ZC3H12B: variants seen among roughly 807,000 people sequenced by gnomAD.
ZC3H12B encodes zinc finger CCCH-type containing 12B, also known as probable ribonuclease ZC3H12B.
In ZC3H12B, 7 loss-of-function variants were observed where a neutral mutation model predicts 43.9. That is an observed-to-expected ratio of 0.16 (90% confidence interval 0.09 to 0.30). The LOEUF is 0.30. Ranked by LOEUF, ZC3H12B falls within the 10% of genes least tolerant of loss-of-function variation. The pLI is 1.00. For synonymous variants in ZC3H12B, 222 were observed against 241.7 expected (o/e 0.92, Z 0.76); for missense variants, 475 against 670.2 (o/e 0.71, Z 3.22).
rs185428223 is a variant in ZC3H12B, at chrX:65,395,934, G to A, written n.296-2659G>A. ...GTATTGGGAGGGTATATGTGTCCAG[G>A]AATTTATTGATTTCTTCTAGGTTTC... On this transcript the variant is annotated intron_variant and non_coding_transcript_variant, in intron 2 of 5. Coordinates refer to the ZC3H12B transcript ENST00000617377. Among the ~76,000 whole-genome samples the A allele has an allele frequency of 2.7e-5, 3 of 111,449 alleles. No homozygotes were observed. In the Admixed American group the frequency reaches 2.9e-4, roughly 11 times the overall value.
chrX:65,147,903 G>A, the ZC3H12B span, among the ~76,000 whole-genome samples: 1 of 110,410 alleles, frequency 9.1e-6, no homozygotes, highest in Non-Finnish European at 1.9e-5. Context: ...TGGAGCCTGA[G>A]TTTCCTGGGG....
chrX:65,345,431 C>T, the ZC3H12B span, among the ~76,000 whole-genome samples: 1 of 111,645 alleles, frequency 9.0e-6, no homozygotes. Context: ...TTATTTTTAG[C>T]AAACTTACAC....
chrX:65,469,806 A>T (rs1382068188), intron 3 of ZC3H12B: 2 of 112,510 alleles, frequency 1.8e-5, no homozygotes, highest in Non-Finnish European at 3.7e-5. Flanking sequence ...CCCCGTCTCT[A>T]CTAAAAATAC....
intron 2 of ZC3H12B, among the ~76,000 whole-genome samples, chrX:65,389,413 A>G (rs2066579847): frequency 1.8e-5 from 2 of 112,400 alleles, no homozygotes; most frequent in South Asian, 3.7e-4. Flanking sequence ...GCGGGGCTCC[A>G]TGGGCGTAGG....
the ZC3H12B span, among the ~76,000 whole-genome samples, chrX:65,134,719 G>A: frequency 1.8e-5 from 2 of 111,384 alleles, no homozygotes; most frequent in South Asian, 3.8e-4. Context: ...CAAATGTCAC[G>A]TGCGTCCGTG....
intron 3 of ZC3H12B, among the ~76,000 whole-genome samples, chrX:65,460,242 A>G (rs1302491950): frequency 1.8e-5 from 2 of 111,926 alleles, no homozygotes; most frequent in Non-Finnish European, 3.8e-5. Flanking sequence ...TTCCATGCTC[A>G]TGGGTAGGAA....
chrX:65,376,294 T>C (rs1021350944), intron 2 of ZC3H12B, among the ~76,000 whole-genome samples: 1 of 112,105 alleles, frequency 8.9e-6, no homozygotes, highest in Non-Finnish European at 1.9e-5. Context: ...TTTTTGACTC[T>C]AGTCTTTGGT....
At chrX:65,507,751 C>G (rs1466130541) in exon 5 of ZC3H12B, 1 of 112,314 alleles carries the variant, frequency 8.9e-6, no homozygotes, top group Non-Finnish European at 1.9e-5. Flanking sequence ...GTAATATGCT[C>G]TCGCTAGCAT....
the ZC3H12B span, among the ~76,000 whole-genome samples, chrX:65,172,416 G>A: frequency 8.9e-6 from 1 of 112,032 alleles, no homozygotes; most frequent in Non-Finnish European, 1.9e-5. Context: ...TTGCTGAGGA[G>A]AAGTGCTTTA....
the ZC3H12B span, among the ~76,000 whole-genome samples, chrX:65,177,563 T>G: frequency 8.9e-6 from 1 of 112,333 alleles, no homozygotes; most frequent in East Asian, 2.8e-4. Context: ...CTTAAGCTGA[T>G]AAGCAACTAC....
At chrX:65,283,641 G>A in the ZC3H12B span, among the ~76,000 whole-genome samples, 175 of 111,643 alleles carry the variant, frequency 1.6e-3, 2 homozygotes, top group Non-Finnish European at 2.1e-3. Flanking sequence ...GGAGGCTGCC[G>A]GGAAGCCTTG....
At chrX:65,337,071 C>T in the ZC3H12B span, among the ~76,000 whole-genome samples, 1 of 111,762 alleles carries the variant, frequency 8.9e-6, no homozygotes, top group Non-Finnish European at 1.9e-5. Flanking sequence ...AGCATTTTTG[C>T]CTTTTATTAA....
chrX:65,259,867 T>C, the ZC3H12B span, among the ~76,000 whole-genome samples: 1 of 111,898 alleles, frequency 8.9e-6, no homozygotes, highest in Non-Finnish European at 1.9e-5. Flanking sequence ...GTGGTATATA[T>C]ACACAATGGA....
At chrX:65,111,309 TG>T in the ZC3H12B span, among the ~76,000 whole-genome samples, 1 of 111,374 alleles carries the variant, frequency 9.0e-6, no homozygotes, top group Non-Finnish European at 1.9e-5. Context: ...TGTGCCTAAT[TG>T]TAGGGAGAAA....
the ZC3H12B span, among the ~76,000 whole-genome samples, chrX:65,317,018 T>A: frequency 9.0e-6 from 1 of 111,202 alleles, no homozygotes; most frequent in Non-Finnish European, 1.9e-5. Flanking sequence ...CAAAGCCGAC[T>A]TTAAACCAAC....
chrX:65,266,750 G>A, the ZC3H12B span, among the ~76,000 whole-genome samples: 3 of 111,072 alleles, frequency 2.7e-5, no homozygotes, highest in Non-Finnish European at 5.7e-5. Context: ...CCACCTCTCT[G>A]GCAACTACTT....
chrX:65,314,420 A>G, the ZC3H12B span, among the ~76,000 whole-genome samples: 1 of 111,820 alleles, frequency 8.9e-6, no homozygotes, highest in Non-Finnish European at 1.9e-5. Context: ...AAAATGACAC[A>G]TTAAGTACAG....
At chrX:65,150,178 ATTAC>A in the ZC3H12B span, among the ~76,000 whole-genome samples, 1 of 110,131 alleles carries the variant, frequency 9.1e-6, no homozygotes, top group Non-Finnish European at 1.9e-5. Context: ...ATATATTATT[ATTAC>A]TTATTTTTTT....
chrX:65,082,884 AAT>A, the ZC3H12B span, among the ~76,000 whole-genome samples: 4 of 111,526 alleles, frequency 3.6e-5, no homozygotes, highest in Admixed American at 3.8e-4. Context: ...TGACTTCAAC[AAT>A]ATGTTAGAAA....
Sources: gnomAD v4.1 joint callset for allele counts (sites outside exome capture counted in the v4.1 genomes callset) on GRCh38, gnomAD v4.1.1 for gene constraint, MANE v1.5 for transcripts, NCBI Gene and HGNC (gene_info 2026-07-23, HGNC 2026-07-21) for gene names.